LANCL1: variants seen among roughly 807,000 people sequenced by gnomAD.
The protein encoded by LANCL1 is LanC like glutathione S-transferase 1.
Under a neutral mutation model 50.6 loss-of-function variants are expected in LANCL1, and 50 were observed. The observed-to-expected ratio is 0.99, with a 90% CI of 0.79 to 1.25. The LOEUF is 1.25. Ranked by LOEUF, LANCL1 falls within the 50% of genes most tolerant of loss-of-function variation. LANCL1 has a pLI of 0.00. For missense variants in LANCL1, 532 were observed against 480.7 expected (o/e 1.11, Z -1.00); for synonymous variants, 188 against 178.6 (o/e 1.05, Z -0.42).
At chr2:210,435,364 A>C in intron 9 of LANCL1, 23 bp downstream of exon 9, 1 of 1,582,860 alleles carries the variant, frequency 6.3e-7, no homozygotes, top group Non-Finnish European at 8.7e-7. Flanking sequence ...TTATAGGGCA[A>C]ATAAATAAAG....
intron 4 of LANCL1, among the ~76,000 whole-genome samples, chr2:210,449,335 T>G (rs1268939034): frequency 6.6e-6 from 1 of 152,110 alleles, no homozygotes; most frequent in Admixed American, 6.5e-5. Flanking sequence ...ATAAACTAGG[T>G]ATTGATGGAA....
Position 210,472,018 on chromosome 2 carries a change from A to G in LANCL1, c.140T>C (p.Met47Thr). The change falls in exon 3 of 10, where the codon ATG becomes ACG. Residue 47 changes from methionine (M) to threonine (T), a missense_variant. Coordinates refer to ENST00000450366, the MANE Select transcript of LANCL1 (RefSeq NM_006055.3). The stretch of plus-strand genomic sequence containing the variant: ...GTCTGCTGATTTCAGGCCTCTCTCC[A>G]TTTGCTGAAGAAGCTCCCGAATCTT... ...TNKIRELLQQMERGLKSADPR... is the reference protein window; with the variant it reads ...TNKIRELLQQTERGLKSADPR... The G allele has an allele frequency of 6.2e-7, 1 of 1,614,142 alleles. No homozygotes were observed. The highest frequency in any genetic ancestry group is 8.5e-7 in the Non-Finnish European group (1 of 1,180,014).
chr2:210,467,800 TC>T (rs1408945560), intron 3 of LANCL1, among the ~76,000 whole-genome samples: 1 of 152,164 alleles, frequency 6.6e-6, no homozygotes, highest in Non-Finnish European at 1.5e-5. Context: ...ATTTTCAAGA[TC>T]AACTGAGCAA....
chr2:210,474,592 G>T (rs1201880365), intron 2 of LANCL1, among the ~76,000 whole-genome samples: 1 of 151,694 alleles, frequency 6.6e-6, no homozygotes, highest in Admixed American at 6.6e-5. Context: ...CAGGTGCGGT[G>T]GTGTGCACCT....
At chr2:210,439,551 A>T (rs1693053394) in intron 6 of LANCL1, among the ~76,000 whole-genome samples, 1 of 152,228 alleles carries the variant, frequency 6.6e-6, no homozygotes, top group African/African-American at 2.4e-5. Context: ...TGCACCAGAA[A>T]AATAAAGAAA....
intron 4 of LANCL1, among the ~76,000 whole-genome samples, chr2:210,446,506 T>C (rs911288617): frequency 2.6e-5 from 4 of 151,996 alleles, no homozygotes; most frequent in Non-Finnish European, 4.4e-5. Flanking sequence ...GAGAATGAAT[T>C]TGACAAATTG....
intron 4 of LANCL1, among the ~76,000 whole-genome samples, chr2:210,451,013 C>T (rs535046071): frequency 1.3e-5 from 2 of 152,170 alleles, no homozygotes; most frequent in South Asian, 4.2e-4. Context: ...TATTCTACTA[C>T]AAAGACAAAT....
chr2:210,471,442 C>A, intron 3 of LANCL1: 1 of 369,866 alleles, frequency 2.7e-6, no homozygotes, highest in Non-Finnish European at 5.3e-6. Context: ...ATTGGCAATG[C>A]AGCAATTGCA....
chr2:210,445,765 C>A (rs1328839193), intron 4 of LANCL1, among the ~76,000 whole-genome samples: 1 of 152,104 alleles, frequency 6.6e-6, no homozygotes, highest in South Asian at 2.1e-4. Flanking sequence ...GAAGAGATAG[C>A]CAAGTCACTG....
chr2:210,454,110 A>G (rs1693590700), intron 4 of LANCL1, among the ~76,000 whole-genome samples: 1 of 152,142 alleles, frequency 6.6e-6, no homozygotes, highest in Non-Finnish European at 1.5e-5. Flanking sequence ...GGGTGGAGCA[A>G]GACTCCCACC....
intron 2 of LANCL1, among the ~76,000 whole-genome samples, chr2:210,476,063 T>G (rs552524723): frequency 6.6e-6 from 1 of 152,318 alleles, no homozygotes; most frequent in Admixed American, 6.5e-5. Context: ...AACTACATAT[T>G]TGCCAATTTT....
intron 4 of LANCL1, chr2:210,442,563 C>G (rs1693177406): frequency 6.6e-6 from 1 of 152,202 alleles, no homozygotes; most frequent in African/African-American, 2.4e-5. Context: ...CAAGCATGCT[C>G]TGCACCTTGT....
chr2:210,455,108 G>A lies in LANCL1; in HGVS notation c.406C>T (p.Arg136Trp), dbSNP rs745643705. ...ATCCTCATATAGAAACATGATTACC[G>A]TGTGATGCAATCTTCTGCCTGCTTC... Reference protein sequence around the residue: ...NEKQAEDCITRLIHLNKIDPH... With the variant: ...NEKQAEDCITWLIHLNKIDPH... Residue 136 changes from arginine (R) to tryptophan (W), a missense_variant and splice_region_variant, in exon 4 of 10, where the codon CGG (arginine) becomes TGG (tryptophan). By Grantham distance (101) the Arg-to-Trp change is moderately radical (BLOSUM62 -3). Coordinates refer to ENST00000450366, the MANE Select transcript of LANCL1 (RefSeq NM_006055.3). 25 of 1,610,350 alleles carry A rather than the reference G, an allele frequency of 1.6e-5. No homozygotes were observed. Among genetic ancestry groups the A allele is most frequent in the Admixed American group, 1.3e-4 (8 of 59,920 alleles).
At chr2:210,436,647 T>C (rs1371346851) in intron 7 of LANCL1, among the ~76,000 whole-genome samples, 1 of 152,200 alleles carries the variant, frequency 6.6e-6, no homozygotes. Flanking sequence ...ATGTGGGTGT[T>C]ACTGAGGAAG....
At chr2:210,455,826 T>G (rs1433026175) in intron 3 of LANCL1, among the ~76,000 whole-genome samples, 4 of 151,380 alleles carry the variant, frequency 2.6e-5, no homozygotes, top group African/African-American at 7.3e-5. Flanking sequence ...TTTTTTTTTT[T>G]TGTGAAAAGG....
intron 3 of LANCL1, among the ~76,000 whole-genome samples, chr2:210,470,230 C>T (rs1224643313): frequency 2.0e-5 from 3 of 152,094 alleles, no homozygotes; most frequent in Admixed American, 1.3e-4. Context: ...GCTGTTATAC[C>T]TTCCTTCTTG....
chr2:210,476,718 T>C lies in LANCL1; in HGVS notation c.-115A>G. On this transcript the variant is annotated 5_prime_UTR_variant, in exon 1 of 10. Transcript: ENST00000450366. ...TGAAGCCCTTCTCGGCCCTGGCCTCTCACCCCGCAGCCCCGGACAGTAACA... is the reference window on the plus strand; with the variant it reads ...TGAAGCCCTTCTCGGCCCTGGCCTCCCACCCCGCAGCCCCGGACAGTAACA... 2.6e-6 allele frequency: 3 copies of C among 1,135,728 alleles called. No homozygotes were observed. The highest frequency in any genetic ancestry group is 3.3e-6 in the Non-Finnish European group (3 of 922,850). The allele number at this position is 1,135,728 out of a possible 1,614,324, so 70.4% of individuals were successfully genotyped here. A position where few individuals can be genotyped will look rare whatever the true frequency, so the allele number is the denominator to read the frequency against.
chr2:210,447,604 A>C (rs1574422479), intron 4 of LANCL1, among the ~76,000 whole-genome samples: 1 of 152,326 alleles, frequency 6.6e-6, no homozygotes, highest in South Asian at 2.1e-4. Flanking sequence ...TGTATTCAGG[A>C]GACCCAGCTC....
At chr2:210,457,275 T>A (rs1693700114) in intron 3 of LANCL1, among the ~76,000 whole-genome samples, 1 of 152,202 alleles carries the variant, frequency 6.6e-6, no homozygotes, top group Admixed American at 6.5e-5. Flanking sequence ...CAAAATGTAT[T>A]ATGTCACAGA....
Sources: gnomAD v4.1 joint callset for allele counts (sites outside exome capture counted in the v4.1 genomes callset) on GRCh38, gnomAD v4.1.1 for gene constraint, MANE v1.5 for transcripts, NCBI Gene and HGNC (gene_info 2026-07-23, HGNC 2026-07-21) for gene names.